Variants in GRPEL1 observed in about 807,000 individuals in gnomAD.
The protein encoded by GRPEL1 is GrpE like 1, mitochondrial, also known as grpE protein homolog 1, mitochondrial.
A neutral mutation model predicts 22.1 loss-of-function variants in GRPEL1; 13 were observed. That is an observed-to-expected ratio of 0.59 (90% CI 0.38 to 0.94). The LOEUF is 0.94. GRPEL1 is among the 40% of genes least tolerant of loss of function. The pLI is 0.00. For synonymous variants in GRPEL1, 109 were observed against 105.3 expected, an observed-to-expected ratio of 1.03 and a Z score of -0.21; for missense variants, 289 against 264.6, an observed-to-expected ratio of 1.09 and a Z score of -0.64.
chr4:7,061,337 T>C, intron 3 of GRPEL1, 129 bp from the exon 4 acceptor site: 1 of 690,616 alleles, frequency 1.4e-6, no homozygotes, highest in East Asian at 2.6e-5. Context: ...AGAATTCCAA[T>C]GGCTCAATAA....
In GRPEL1 at chr4:7,064,216, G is replaced by C; in HGVS notation, c.70C>G (p.Pro24Ala). The C allele has an allele frequency of 6.2e-7, 1 of 1,612,430 alleles. No homozygotes were observed. Among genetic ancestry groups the C allele is most frequent in the Non-Finnish European group, 8.5e-7 (1 of 1,179,096 alleles). The stretch of plus-strand genomic sequence containing the variant: ...TTCGTGGCTGTGCACAACAACCGGG[G>C]AGATGGCCTACAGGGAAGTCCACAC... Reference protein sequence around the residue: ...PALALSLRPSPRLLCTATKQK... With the variant: ...PALALSLRPSARLLCTATKQK... Residue 24 changes from proline (P) to alanine (A), a missense_variant, in exon 2 of 4, where the codon CCC becomes GCC. Transcript: ENST00000264954.
chr4:7,061,232 T>A (rs1359739570), intron 3 of GRPEL1, 24 bp from the exon 4 acceptor site: 1 of 1,579,060 alleles, frequency 6.3e-7, no homozygotes, highest in Admixed American at 1.7e-5. Context: ...AAGAAGATCA[T>A]TTGCACTCCA....
rs1491321458 is a variant in GRPEL1, at chr4:7,062,488, ATT to A, written c.226-24_226-23del. On this transcript the variant is annotated intron_variant, in intron 2 of 3. Coordinates refer to ENST00000264954, the MANE Select transcript of GRPEL1 (RefSeq NM_025196.4). Reference sequence around the variant, plus strand: ...TTTCCTAAAAGAGAAAAAAAGGGATATTTATATATATATATATATATATATAT... The same window carrying A: ...TTTCCTAAAAGAGAAAAAAAGGGATATATATATATATATATATATATATAT... 259 of 646,164 alleles carry A rather than the reference ATT, an allele frequency of 4.0e-4. 18 individuals are homozygous for A. The African/African-American group carries it at 6.3e-3, about 16-fold the overall frequency. 40.0% of individuals were successfully genotyped at this position (646,164 alleles called of 1,614,324 possible). A position where few individuals can be genotyped will look rare whatever the true frequency, so the allele number is the denominator to read the frequency against.
chr4:7,067,982 C>G lies in GRPEL1; in HGVS notation c.51G>C (p.Ala17=). The change falls in exon 1 of 4, where the codon GCG becomes GCC. Residue 17 remains alanine, a synonymous_variant. Coordinates refer to ENST00000264954, the MANE Select transcript of GRPEL1 (RefSeq NM_025196.4). ...CAAGTGCCCCTTACCTGAGAGACAA[C>G]GCCAAAGCAGGAAGACTGCGCCGCG... ...RLARRSLPAL[A]LSLRPSPRLL... 6.2e-7 allele frequency: 1 copy of G among 1,613,516 alleles called. No homozygotes were observed. Among genetic ancestry groups the G allele is most frequent in the Non-Finnish European group, 8.5e-7 (1 of 1,179,918 alleles).
chr4:7,062,472 A>T lies in GRPEL1; in HGVS notation c.226-6T>A. 7.2e-7 allele frequency: 1 copy of T among 1,380,318 alleles called. No individual in the cohort carries two copies. The allele number at this position is 1,380,318 out of a possible 1,614,324, so 85.5% of individuals were successfully genotyped here. On this transcript the variant is annotated splice_region_variant and splice_polypyrimidine_tract_variant and intron_variant, in intron 2 of 3. Transcript: ENST00000264954. ...AAAGCTCGTTTATATTTTTCCTAAA[A>T]GAGAAAAAAAGGGATATTTATATAT... is the stretch of plus-strand genomic sequence containing the variant.
chr4:7,062,550 C>A, intron 2 of GRPEL1, 84 bp from the exon 3 acceptor site: 1 of 317,944 alleles, frequency 3.1e-6, no homozygotes, highest in Non-Finnish European at 5.1e-6. Flanking sequence ...CTCTGTATGT[C>A]GCTCAGGCTG....
chr4:7,062,513 TATC>T (rs551971765), intron 2 of GRPEL1, 47 bp from the exon 3 acceptor site: 213 of 353,680 alleles, frequency 6.0e-4, no homozygotes, highest in East Asian at 6.0e-3. Flanking sequence ...TATATATATA[TATC>T]TTTTTTTTTG....
rs1723986891 is a variant in GRPEL1 at position 7,059,563 on chromosome 4, T to A, written c.*1299A>T. On this transcript the variant is annotated 3_prime_UTR_variant, in exon 4 of 4. Coordinates refer to ENST00000264954, the MANE Select transcript of GRPEL1 (RefSeq NM_025196.4). Reference sequence around the variant, plus strand: ...AGGCATCTTAAAGGTGGAACATGTTTGGGAATGGTATCCCAAGATGAAGTA... The same window carrying A: ...AGGCATCTTAAAGGTGGAACATGTTAGGGAATGGTATCCCAAGATGAAGTA... 6.6e-6 allele frequency: 1 copy of A among 152,234 alleles called. No individual in the cohort carries two copies. The highest frequency in any genetic ancestry group is 1.5e-5 in the Non-Finnish European group (1 of 68,040). 9.4% of individuals were successfully genotyped at this position (152,234 alleles called of 1,614,324 possible). A position where few individuals can be genotyped will look rare whatever the true frequency, so the allele number is the denominator to read the frequency against.
Position 7,060,903 on chromosome 4 carries a change from T to G in GRPEL1, c.613A>C (p.Thr205Pro). Reference protein sequence around the residue: ...SKVGYKLHGRTLRPALVGVVK... With the variant: ...SKVGYKLHGRPLRPALVGVVK... ...ACCCCCACCAGGGCGGGTCTCAGAG[T>G]GCGCCCATGCAGCTTGTACCCCACT... The change falls in exon 4 of 4, where the codon ACT becomes CCT. Residue 205 changes from threonine (T) to proline (P), a missense_variant. Coordinates refer to ENST00000264954, the MANE Select transcript of GRPEL1 (RefSeq NM_025196.4). The G allele has an allele frequency of 6.2e-7, 1 of 1,614,012 alleles. No individual in the cohort carries two copies. The highest frequency in any genetic ancestry group is 8.5e-7 in the Non-Finnish European group (1 of 1,179,972).
In GRPEL1 at chr4:7,068,010, A is replaced by C; in HGVS notation, c.23T>G (p.Leu8Trp). The C allele has an allele frequency of 6.2e-7, 1 of 1,613,064 alleles. No individual in the cohort carries two copies. Among genetic ancestry groups the C allele is most frequent in the Non-Finnish European group, 8.5e-7 (1 of 1,179,862 alleles). Reference sequence around the variant, plus strand: ...CAAAGCAGGAAGACTGCGCCGCGCCAACCTCACGCACTGAGCCGCCATGAC... The same window carrying C: ...CAAAGCAGGAAGACTGCGCCGCGCCCACCTCACGCACTGAGCCGCCATGAC... MAAQCVR[L>W]ARRSLPALAL... is the part of the protein sequence containing the mutation. Residue 8 changes from leucine (L) to tryptophan (W), a missense_variant, in exon 1 of 4, where the codon TTG becomes TGG. By Grantham distance (61) the Leu-to-Trp change is moderately conservative. Coordinates refer to ENST00000264954, the MANE Select transcript of GRPEL1 (RefSeq NM_025196.4).
At chr4:7,064,316 A>G in intron 1 of GRPEL1, 93 bp from the exon 2 acceptor site, 2 of 1,281,378 alleles carry the variant, frequency 1.6e-6, no homozygotes, top group Non-Finnish European at 2.1e-6. Context: ...ATAGCTTCAA[A>G]CTATTTACTA....
At chr4:7,065,272 A>G (rs1724137575) in intron 1 of GRPEL1, among the ~76,000 whole-genome samples, 2 of 152,238 alleles carry the variant, frequency 1.3e-5, no homozygotes, top group Admixed American at 1.3e-4. Context: ...CCCAGCACTT[A>G]GGGAGGCCAA....
In GRPEL1 at chr4:7,062,485, GATATTTAT is replaced by G. The variant is rs779379385; in HGVS notation, c.226-27_226-20del. On this transcript the variant is annotated intron_variant, in intron 2 of 3. Transcript: ENST00000264954. Reference sequence around the variant, plus strand: ...ATTTTTCCTAAAAGAGAAAAAAAGGGATATTTATATATATATATATATATATATATCTT... The same window carrying G: ...ATTTTTCCTAAAAGAGAAAAAAAGGGATATATATATATATATATATATCTT... 808 of 380,474 alleles carry G rather than the reference GATATTTAT, an allele frequency of 2.1e-3. 39 individuals are homozygous for G. In the African/African-American group the frequency reaches 0.031, roughly 15 times the overall value. The allele number at this position is 380,474 out of a possible 1,614,324, so 23.6% of individuals were successfully genotyped here.
At chr4:7,064,958 CT>C in intron 1 of GRPEL1, among the ~76,000 whole-genome samples, 1 of 152,256 alleles carries the variant, frequency 6.6e-6, no homozygotes, top group Non-Finnish European at 1.5e-5. Flanking sequence ...CTGTGCCTGT[CT>C]TTTTTATAAG....
At position 7,060,901 on chromosome 4, in the gene GRPEL1, A is replaced by C. The variant is rs1255137333; in HGVS notation, c.615T>G (p.Thr205=). The part of the protein sequence containing the change: ...SKVGYKLHGR[T]LRPALVGVVK... ...CCACCCCCACCAGGGCGGGTCTCAG[A>C]GTGCGCCCATGCAGCTTGTACCCCA... Residue 205 remains threonine (T), a synonymous_variant, in exon 4 of 4, where the codon ACT becomes ACG. Coordinates refer to ENST00000264954, the MANE Select transcript of GRPEL1 (RefSeq NM_025196.4). The C allele has an allele frequency of 6.8e-6, 11 of 1,613,980 alleles. No homozygotes were observed. In the East Asian group the frequency reaches 2.5e-4, roughly 36 times the overall value.
Position 7,066,197 on chromosome 4 carries a change from G to A in GRPEL1, c.62+1774C>T, listed in dbSNP as rs79055090. The stretch of plus-strand genomic sequence containing the variant: ...CTTCCCAGATTAAAACTGCTTCAAC[G>A]AATAGGAAGGTGAAGGCTGCCAGCA... On this transcript the variant is annotated intron_variant, in intron 1 of 3. Coordinates refer to ENST00000264954, the MANE Select transcript of GRPEL1 (RefSeq NM_025196.4). Among the ~76,000 whole-genome samples the A allele has an allele frequency of 3.9e-4, 59 of 152,286 alleles. No homozygotes were observed. The East Asian group carries it at 0.01, about 26-fold the overall frequency.
chr4:7,062,286 C>CCCA, intron 3 of GRPEL1, 99 bp downstream of exon 3: 1 of 529,466 alleles, frequency 1.9e-6, no homozygotes. Context: ...ACCCCCCACC[C>CCCA]CACAGCCTTG....
rs112992313 is a variant in GRPEL1, at chr4:7,062,597, C to T, written c.226-131G>A. On this transcript the variant is annotated intron_variant, in intron 2 of 3. Coordinates refer to ENST00000264954, the MANE Select transcript of GRPEL1 (RefSeq NM_025196.4). ...CATGATCTCAGCTCACTGCAAGCTC[C>T]GCCTCCTGGGTTCACGCCATTCTCC... 2,074 of 211,936 alleles carry T rather than the reference C, an allele frequency of 9.8e-3. 47 individuals carry two copies. Among genetic ancestry groups the T allele is most frequent in the African/African-American group, 0.046 (1,952 of 42,152 alleles). The allele number at this position is 211,936 out of a possible 1,614,324, so 13.1% of individuals were successfully genotyped here. A position where few individuals can be genotyped will look rare whatever the true frequency, so the allele number is the denominator to read the frequency against.
rs1723985902 is a variant in GRPEL1 at position 7,059,523 on chromosome 4, G to A, written c.*1339C>T. 1 of 152,178 alleles carries A rather than the reference G, an allele frequency of 6.6e-6. No homozygotes were observed. 9.4% of individuals were successfully genotyped at this position (152,178 alleles called of 1,614,324 possible). ...CACGATGCTGCCTTTAGTTGTTTCT[G>A]ACCAAATTAACTTAAGGCATCTTAA... On this transcript the variant is annotated 3_prime_UTR_variant, in exon 4 of 4. Transcript: ENST00000264954.
Sources: allele counts gnomAD v4.1 joint callset (sites outside exome capture counted in the v4.1 genomes callset), GRCh38; gene constraint gnomAD v4.1.1; transcripts MANE v1.5; gene names NCBI Gene and HGNC (gene_info 2026-07-23, HGNC 2026-07-21).